The following CDKN2B-AS1 variants were observed in gnomAD, a reference collection of about 807,000 sequenced individuals.
The protein encoded by CDKN2B-AS1 is CDKN2B antisense RNA 1 (non-protein coding).
intron 1 of CDKN2B-AS1, among the ~76,000 whole-genome samples, chr9:22,017,662 C>G (rs960415699): frequency 6.6e-6 from 1 of 152,208 alleles, no homozygotes; most frequent in Non-Finnish European, 1.5e-5. Context: ...GTACAGTTCT[C>G]ATTTACCAGA....
intron 4 of CDKN2B-AS1, chr9:22,119,769 C>G (rs1826051318): frequency 6.6e-6 from 1 of 152,202 alleles, no homozygotes; most frequent in Admixed American, 6.5e-5. Flanking sequence ...CTGTCGCCAT[C>G]TATAGGCTAG....
rs951715386 is a variant in CDKN2B-AS1 at position 22,006,797 on chromosome 9, C to T, written n.29+11636C>T. On this transcript the variant is annotated intron_variant and non_coding_transcript_variant, in intron 1 of 4. Transcript: ENST00000650946. This position sits in a 1 kb window ranked among gnomAD's most constrained non-coding sequence, Gnocchi z 6.4. ...TTTAGTTCTCATAGCAAATCCCGTG[C>T]GGAAGGCTTTTGTTTGTCATGTGTC... 4.0e-5 allele frequency among the ~76,000 whole-genome samples: 6 copies of T among 151,456 alleles called. No individual in the cohort carries two copies. Among genetic ancestry groups the T allele is most frequent in the African/African-American group, 1.2e-4 (5 of 41,254 alleles).
Position 22,005,112 on chromosome 9 carries a change from A to ATGTGTG in CDKN2B-AS1, n.29+9976_29+9981dup, listed in dbSNP as rs3028393. On this transcript the variant is annotated intron_variant and non_coding_transcript_variant, in intron 1 of 4. Transcript: ENST00000650946. The surrounding 1 kb of genome is among the most constrained non-coding windows in gnomAD (Gnocchi z 4.9). ...CATAAGGGGATTTCCGCATCCTAGC[A>ATGTGTG]TGTGTGTGTGTGTGTGTGTGTGTGT... 11,581 of 225,244 alleles carry ATGTGTG rather than the reference A, an allele frequency of 0.051. 644 individuals carry two copies. Among genetic ancestry groups the ATGTGTG allele is most frequent in the African/African-American group, 0.17 (7,663 of 44,200 alleles). The allele number at this position is 225,244 out of a possible 1,614,324, so 14.0% of individuals were successfully genotyped here.
chr9:22,027,502 T>C (rs1231037937), intron 1 of CDKN2B-AS1, among the ~76,000 whole-genome samples: 6 of 152,208 alleles, frequency 3.9e-5, no homozygotes, highest in Non-Finnish European at 1.5e-5. Flanking sequence ...TATTCATTCT[T>C]ACCAAATATA....
rs1820679128 is a variant in CDKN2B-AS1 at position 21,996,267 on chromosome 9, G to C, written n.29+1106G>C. ...AAACGGGGCCCTTTGGAAAAAGTGA[G>C]ATTTAGCGATCACTCTTACGTAGCC... On this transcript the variant is annotated intron_variant and non_coding_transcript_variant, in intron 1 of 4. Coordinates refer to ENST00000650946, the Ensembl canonical transcript of CDKN2B-AS1. The surrounding 1 kb of genome is among the most constrained non-coding windows in gnomAD (Gnocchi z 5.4). Among the ~76,000 whole-genome samples the C allele has an allele frequency of 6.6e-6, 1 of 152,076 alleles. No homozygotes were observed. The highest frequency in any genetic ancestry group is 1.9e-4 in the East Asian group (1 of 5,178).
intron 2 of CDKN2B-AS1, among the ~76,000 whole-genome samples, chr9:22,048,620 C>T (rs558291112): frequency 5.3e-4 from 80 of 152,078 alleles, no homozygotes; most frequent in African/African-American, 1.7e-3. Flanking sequence ...TCTTGTTTTT[C>T]GAGTTTCATG....
At chr9:22,029,619 A>G in intron 1 of CDKN2B-AS1, 1 of 669,272 alleles carries the variant, frequency 1.5e-6, no homozygotes, top group Non-Finnish European at 2.8e-6. Context: ...GGAAACCATC[A>G]TCTTTCAGGT....
intron 1 of CDKN2B-AS1, chr9:22,012,151 A>G: frequency 3.2e-6 from 4 of 1,253,536 alleles, no homozygotes; most frequent in Non-Finnish European, 4.7e-6. Flanking sequence ...CTGCAGACAC[A>G]GAGATGCAGA....
intron 4 of CDKN2B-AS1, among the ~76,000 whole-genome samples, chr9:22,086,735 G>A (rs1255141246): frequency 6.6e-6 from 1 of 152,094 alleles, no homozygotes; most frequent in Admixed American, 6.5e-5. Flanking sequence ...TTGAACCCCA[G>A]AGATTATTTA....
chr9:22,118,110 GGA>G (rs1306985545), intron 4 of CDKN2B-AS1: 2 of 152,276 alleles, frequency 1.3e-5, no homozygotes, highest in African/African-American at 4.8e-5. Flanking sequence ...TTCTAACAAA[GGA>G]GAGAGTTGCC....
Position 22,005,795 on chromosome 9 carries a change from A to T in CDKN2B-AS1, n.29+10634A>T. The T allele has an allele frequency of 7.2e-6, 5 of 697,464 alleles. No homozygotes were observed. The highest frequency in any genetic ancestry group is 1.2e-5 in the Non-Finnish European group (5 of 411,584). 43.2% of individuals were successfully genotyped at this position (697,464 alleles called of 1,614,324 possible). On this transcript the variant is annotated intron_variant and non_coding_transcript_variant, in intron 1 of 4. Transcript: ENST00000650946. This position sits in a 1 kb window ranked among gnomAD's most constrained non-coding sequence, Gnocchi z 4.9. ...CGCTTCATGGTGAGTGTCGAGGGCCAGATAAGACAAAGAAAAAAATGTATG... is the reference window on the plus strand; with the variant it reads ...CGCTTCATGGTGAGTGTCGAGGGCCTGATAAGACAAAGAAAAAAATGTATG...
intron 4 of CDKN2B-AS1, among the ~76,000 whole-genome samples, chr9:22,123,086 T>C (rs1262770381): frequency 1.3e-5 from 2 of 152,192 alleles, no homozygotes; most frequent in Admixed American, 1.3e-4. Context: ...GTTACATTTA[T>C]TCCTTGGTAT....
chr9:22,056,175 C>G (rs1020429207), intron 3 of CDKN2B-AS1: 1 of 147,922 alleles, frequency 6.8e-6, no homozygotes, highest in Non-Finnish European at 1.5e-5. Flanking sequence ...TTAGAGGCTC[C>G]TGCCACCACA....
intron 3 of CDKN2B-AS1, among the ~76,000 whole-genome samples, chr9:22,054,804 G>A (rs1230472533): frequency 6.7e-6 from 1 of 149,044 alleles, no homozygotes; most frequent in Non-Finnish European, 1.5e-5. Context: ...TCTTGAGACA[G>A]AGTCTCACTC....
At chr9:22,072,715 G>A (rs1234238377) in intron 4 of CDKN2B-AS1, among the ~76,000 whole-genome samples, 1 of 152,196 alleles carries the variant, frequency 6.6e-6, no homozygotes, top group Admixed American at 6.5e-5. Flanking sequence ...AATGCTAGGA[G>A]CACAAGGCAG....
At chr9:22,098,957 G>A (rs147194705) in intron 4 of CDKN2B-AS1, among the ~76,000 whole-genome samples, 20 of 152,286 alleles carry the variant, frequency 1.3e-4, no homozygotes, top group Non-Finnish European at 2.9e-4. Flanking sequence ...AAAAATAAGA[G>A]TAGTGAAGAC....
exon 4 of CDKN2B-AS1, chr9:22,056,254 G>T (rs1823569596): frequency 8.1e-6 from 1 of 123,986 alleles, no homozygotes; most frequent in African/African-American, 3.0e-5. Context: ...TTTTCCAGTA[G>T]AGACGGGGTT....
At chr9:22,076,651 A>G (rs1000070259) in intron 4 of CDKN2B-AS1, among the ~76,000 whole-genome samples, 3 of 152,236 alleles carry the variant, frequency 2.0e-5, no homozygotes, top group Middle Eastern at 3.4e-3. Flanking sequence ...TAGTTTACTC[A>G]TTTAGCAAAA....
intron 4 of CDKN2B-AS1, among the ~76,000 whole-genome samples, chr9:22,091,394 T>C (rs1314641663): frequency 4.6e-5 from 7 of 152,222 alleles, no homozygotes; most frequent in East Asian, 1.9e-4. Flanking sequence ...GGGGATTGCA[T>C]TGAATCTATA....
Sources: allele counts gnomAD v4.1 joint callset (sites outside exome capture counted in the v4.1 genomes callset), GRCh38; gene constraint gnomAD v4.1.1; non-coding constraint Gnocchi (gnomAD v3.1); transcripts MANE v1.5; gene names NCBI Gene and HGNC (gene_info 2026-07-23, HGNC 2026-07-21).